Variants in TENM2 observed in about 807,000 individuals in gnomAD.
The protein encoded by TENM2 is teneurin-2.
A neutral mutation model predicts 245.2 loss-of-function variants in TENM2; 52 were observed. The ratio of observed to expected loss-of-function variants is 0.21; its 90% confidence interval spans 0.17 to 0.27. TENM2 has a LOEUF of 0.27. Among genes scored for constraint, TENM2 ranks in the 10% least tolerant of loss-of-function variants. The probability of loss-of-function intolerance (pLI) is 1.00; values close to 1 mark genes in which losing one functional copy is unlikely to be tolerated. For missense variants in TENM2, 3,046 were observed against 3,666.8 expected (o/e 0.83, Z 4.37); for synonymous variants, 1,363 against 1,438.9 (o/e 0.95, Z 1.19).
At chr5:168,140,522 A>G (rs965721329) in intron 12 of TENM2, among the ~76,000 whole-genome samples, 10 of 151,972 alleles carry the variant, frequency 6.6e-5, no homozygotes, top group African/African-American at 2.2e-4. Flanking sequence ...TGTTGTGTGT[A>G]TGAGTGTATA....
intron 5 of TENM2, among the ~76,000 whole-genome samples, chr5:168,038,389 A>G (rs1787893097): frequency 6.6e-6 from 1 of 152,170 alleles, no homozygotes; most frequent in Admixed American, 6.5e-5. Flanking sequence ...CTATAAGGTC[A>G]GTGTGAGCAA....
At position 167,350,792 on chromosome 5, in the gene TENM2, G is replaced by GAT. The variant is rs746226912; in HGVS notation, c.227-24397_227-24396dup. ...TATATATATGGGATATATACATATGGATATATATATGGGATATATACATAT... is the reference window on the plus strand; with the variant it reads ...TATATATATGGGATATATACATATGGATATATATATATGGGATATATACATAT... On this transcript the variant is annotated intron_variant, in intron 1 of 28. Transcript: ENST00000518659. Among the ~76,000 whole-genome samples, 30 of 59,912 alleles carry GAT rather than the reference G, an allele frequency of 5.0e-4. 1 individual carries two copies. Among genetic ancestry groups the GAT allele is most frequent in the South Asian group, 2.7e-3 (5 of 1,858 alleles). 39.3% of individuals were successfully genotyped at this position (59,912 alleles called of 152,430 possible).
chr5:167,515,688 G>T (rs757200735), intron 2 of TENM2, among the ~76,000 whole-genome samples: 4 of 45,102 alleles, frequency 8.9e-5, no homozygotes, highest in African/African-American at 3.2e-4. Flanking sequence ...TATTTTGAGA[G>T]GGAGTCTTGC....
At chr5:168,111,257 T>G (rs1220800969) in intron 9 of TENM2, among the ~76,000 whole-genome samples, 3 of 152,196 alleles carry the variant, frequency 2.0e-5, no homozygotes, top group Non-Finnish European at 1.5e-5. Context: ...ATGTGCCATT[T>G]GACAGAATGG....
chr5:167,345,450 CAG>C (rs1758397729), intron 1 of TENM2, among the ~76,000 whole-genome samples: 3 of 152,122 alleles, frequency 2.0e-5, no homozygotes, highest in African/African-American at 7.2e-5. Context: ...CATGAACAGA[CAG>C]AGATGACAGA....
chr5:167,713,759 G>A (rs777915989), intron 2 of TENM2, among the ~76,000 whole-genome samples: 62 of 152,274 alleles, frequency 4.1e-4, no homozygotes, highest in Middle Eastern at 6.8e-3. Context: ...ATACTCGTGC[G>A]TACGTGCACA....
chr5:167,700,054 C>A (rs922581566), intron 2 of TENM2, among the ~76,000 whole-genome samples: 1 of 152,090 alleles, frequency 6.6e-6, no homozygotes, highest in African/African-American at 2.4e-5. Flanking sequence ...ATCTTGAGTT[C>A]TTCAGACCTC....
chr5:168,167,396 A>G (rs970418095), intron 13 of TENM2, among the ~76,000 whole-genome samples: 1 of 152,108 alleles, frequency 6.6e-6, no homozygotes, highest in Non-Finnish European at 1.5e-5. Context: ...CCCTGAACTT[A>G]GAGTCAGGAG....
intron 2 of TENM2, among the ~76,000 whole-genome samples, chr5:167,593,434 A>T (rs759845099): frequency 1.9e-4 from 29 of 152,288 alleles, no homozygotes; most frequent in Admixed American, 8.5e-4. Flanking sequence ...ATGAACATAA[A>T]TTCTGCCTTT....
intron 2 of TENM2, among the ~76,000 whole-genome samples, chr5:167,733,740 C>G (rs1042371179): frequency 2.6e-5 from 4 of 152,202 alleles, no homozygotes; most frequent in African/African-American, 9.6e-5. Flanking sequence ...GACCAGAAAA[C>G]TAGCCAATGT....
chr5:167,783,719 A>C (rs1333381682), intron 2 of TENM2, among the ~76,000 whole-genome samples: 1 of 152,094 alleles, frequency 6.6e-6, no homozygotes, highest in Non-Finnish European at 1.5e-5. Flanking sequence ...GCATTACGAA[A>C]CCATCAGCCA....
chr5:167,951,675 G>T (rs954676655), intron 3 of TENM2, among the ~76,000 whole-genome samples: 3 of 152,096 alleles, frequency 2.0e-5, no homozygotes, highest in Non-Finnish European at 4.4e-5. Context: ...CATCTGCCAT[G>T]ACCTTCTCCA....
rs2127464887 is a variant in TENM2, at chr5:167,445,133, G to C, written c.502+69660G>C. 1.3e-5 allele frequency among the ~76,000 whole-genome samples: 2 copies of C among 151,956 alleles called. 1 individual carries two copies. Among genetic ancestry groups the C allele is most frequent in the East Asian group, 3.9e-4 (2 of 5,176 alleles). ...AGTGGTAGTAGTATTGATAGTAGTA[G>C]TATCCAAAAGCATCTTTTGATATCC... On this transcript the variant is annotated intron_variant, in intron 2 of 28. Coordinates refer to ENST00000518659, the Ensembl canonical transcript of TENM2.
At chr5:167,654,146 A>G (rs993536290) in intron 2 of TENM2, among the ~76,000 whole-genome samples, 5 of 152,006 alleles carry the variant, frequency 3.3e-5, no homozygotes, top group Non-Finnish European at 5.9e-5. Context: ...CTTTATGGGT[A>G]CTGCCAGTTC....
chr5:167,527,202 T>C (rs1771179940), intron 2 of TENM2, among the ~76,000 whole-genome samples: 1 of 152,076 alleles, frequency 6.6e-6, no homozygotes, highest in South Asian at 2.1e-4. Context: ...TTTAACTTTT[T>C]GATGCAAAAA....
At chr5:167,801,120 A>T in intron 2 of TENM2, among the ~76,000 whole-genome samples, 1 of 54,950 alleles carries the variant, frequency 1.8e-5, no homozygotes, top group African/African-American at 1.1e-4. Context: ...ATATATATAT[A>T]TATATATATA....
the TENM2 span, among the ~76,000 whole-genome samples, chr5:167,133,617 G>GAAAAA: frequency 1.5e-5 from 1 of 67,506 alleles, no homozygotes; most frequent in Admixed American, 1.5e-4. Flanking sequence ...ACTCAAACTT[G>GAAAAA]GAAAAAAAAA....
At chr5:168,208,867 T>C (rs181169262) in intron 19 of TENM2, among the ~76,000 whole-genome samples, 325 of 152,234 alleles carry the variant, frequency 2.1e-3, no homozygotes, top group African/African-American at 7.7e-3. Context: ...TGAAATGGAA[T>C]ATTTAGGATG....
the TENM2 span, among the ~76,000 whole-genome samples, chr5:167,069,020 CAT>C: frequency 1.3e-5 from 2 of 152,144 alleles, no homozygotes; most frequent in Admixed American, 6.5e-5. Context: ...GAATGAAACT[CAT>C]ATGCTCGTAT....
Sources: gnomAD v4.1 joint callset for allele counts (sites outside exome capture counted in the v4.1 genomes callset) on GRCh38, gnomAD v4.1.1 for gene constraint, MANE v1.5 for transcripts, NCBI Gene and HGNC (gene_info 2026-07-23, HGNC 2026-07-21) for gene names.